PPP2R5C: variants seen among roughly 807,000 people sequenced by gnomAD.
PPP2R5C encodes the protein protein phosphatase 2 regulatory subunit B'gamma.
A neutral mutation model predicts 68.9 loss-of-function variants in PPP2R5C; 7 were observed. That is an observed-to-expected ratio of 0.10 (90% CI 0.06 to 0.19). The LOEUF is 0.19. Among genes scored for constraint, PPP2R5C ranks in the 10% least tolerant of loss-of-function variants. The probability of loss-of-function intolerance (pLI) is 1.00; values close to 1 mark genes in which losing one functional copy is unlikely to be tolerated. For synonymous variants in PPP2R5C, 210 were observed against 222.2 expected (o/e 0.95, Z 0.49); for missense variants, 348 against 641.3 (o/e 0.54, Z 4.94).
At chr14:101,887,574 A>AC (rs1215642768) in intron 5 of PPP2R5C, among the ~76,000 whole-genome samples, 1 of 152,162 alleles carries the variant, frequency 6.6e-6, no homozygotes, top group Non-Finnish European at 1.5e-5. Flanking sequence ...GCAGGTCCCC[A>AC]CGCTGCCTCT....
In PPP2R5C at chr14:101,894,435, G is replaced by A. The variant is rs998263250; in HGVS notation, c.799-72G>A. The A allele has an allele frequency of 2.6e-5, 38 of 1,446,014 alleles. No homozygotes were observed. In the African/African-American group the frequency reaches 2.7e-4, roughly 10 times the overall value. 89.6% of individuals were successfully genotyped at this position (1,446,014 alleles called of 1,614,324 possible). A position where few individuals can be genotyped will look rare whatever the true frequency, so the allele number is the denominator to read the frequency against. On this transcript the variant is annotated intron_variant, in intron 7 of 13. Coordinates refer to ENST00000334743, the Ensembl canonical transcript of PPP2R5C. ...GTCTTGCTGTGGGAAGGTGTTTAAC[G>A]ATGATTCTAGAAGAAGCACAGCAGC...
At chr14:101,875,254 C>T (rs1382851027) in intron 2 of PPP2R5C, among the ~76,000 whole-genome samples, 6 of 152,148 alleles carry the variant, frequency 3.9e-5, no homozygotes, top group African/African-American at 9.7e-5. Context: ...GAAGGCTCTG[C>T]TCTCCCTTAC....
chr14:101,880,771 G>C (rs1205602330), intron 2 of PPP2R5C, among the ~76,000 whole-genome samples: 1 of 152,224 alleles, frequency 6.6e-6, no homozygotes, highest in South Asian at 2.1e-4. Flanking sequence ...CTCCAGCCTG[G>C]GCAGCAGAGA....
intron 2 of PPP2R5C, among the ~76,000 whole-genome samples, chr14:101,861,649 A>C (rs2140639714): frequency 1.3e-5 from 2 of 152,280 alleles, no homozygotes; most frequent in South Asian, 2.1e-4. Context: ...TCTATGATGA[A>C]ATGTGAAGGT....
At chr14:101,849,070 T>C (rs762665434) in intron 1 of PPP2R5C, among the ~76,000 whole-genome samples, 43 of 152,232 alleles carry the variant, frequency 2.8e-4, no homozygotes, top group Non-Finnish European at 5.3e-4. Context: ...GTAAGGCATA[T>C]CCATATTGTG....
At chr14:101,813,033 A>G (rs1184190386) in intron 1 of PPP2R5C, among the ~76,000 whole-genome samples, 1 of 152,202 alleles carries the variant, frequency 6.6e-6, no homozygotes, top group Non-Finnish European at 1.5e-5. Context: ...CTGTGAATGT[A>G]GCTTGGTGAC....
At chr14:101,901,592 G>A in intron 8 of PPP2R5C, 127 bp from the exon 11 acceptor site, 1 of 885,888 alleles carries the variant, frequency 1.1e-6, no homozygotes, top group Non-Finnish European at 1.8e-6. Context: ...CCCTCTGTAA[G>A]GAAGATGGCA....
At chr14:101,793,856 G>A (rs1360594497) in intron 3 of PPP2R5C, among the ~76,000 whole-genome samples, 1 of 152,158 alleles carries the variant, frequency 6.6e-6, no homozygotes, top group Non-Finnish European at 1.5e-5. Context: ...AGACAGAGTG[G>A]GAAGGTAATC....
At chr14:101,863,010 A>C (rs1464456326) in intron 2 of PPP2R5C, among the ~76,000 whole-genome samples, 2 of 151,712 alleles carry the variant, frequency 1.3e-5, no homozygotes, top group Non-Finnish European at 2.9e-5. Flanking sequence ...ATTTTTTTTT[A>C]AAGAGATGGA....
chr14:101,813,247 G>A (rs981102535), intron 1 of PPP2R5C, among the ~76,000 whole-genome samples: 18 of 152,224 alleles, frequency 1.2e-4, no homozygotes, highest in African/African-American at 3.9e-4. Context: ...CAGCACAGTC[G>A]TAGACTGGAA....
chr14:101,831,459 C>T (rs560622769), intron 1 of PPP2R5C, among the ~76,000 whole-genome samples: 3 of 152,248 alleles, frequency 2.0e-5, no homozygotes, highest in South Asian at 4.1e-4. Context: ...ATTTTTTTTA[C>T]GCTACTAATG....
At chr14:101,901,830 A>G in exon 9 of PPP2R5C, 2 of 1,614,192 alleles carry the variant, frequency 1.2e-6, no homozygotes, top group Non-Finnish European at 1.7e-6. Flanking sequence ...AGAATTTGTG[A>G]AGATCATGGA....
At chr14:101,902,090 G>A (rs1486622222) in intron 9 of PPP2R5C, among the ~76,000 whole-genome samples, 4 of 152,260 alleles carry the variant, frequency 2.6e-5, no homozygotes, top group Admixed American at 6.5e-5. Flanking sequence ...CTTCTGCCGC[G>A]ATACTTTTTC....
chr14:101,922,687 G>A (rs757660313), intron 13 of PPP2R5C, among the ~76,000 whole-genome samples: 28 of 151,132 alleles, frequency 1.9e-4, no homozygotes, highest in Non-Finnish European at 3.7e-4. Context: ...GGCATGTGGT[G>A]CGTGCCTGTA....
At chr14:101,765,082 C>T (rs1595102002) in intron 2 of PPP2R5C, 2 of 668,886 alleles carry the variant, frequency 3.0e-6, no homozygotes, top group Non-Finnish European at 5.5e-6. Context: ...GTTTGCCAGC[C>T]GTGTGAGACC....
intron 2 of PPP2R5C, among the ~76,000 whole-genome samples, chr14:101,859,557 A>G (rs1176720050): frequency 6.6e-6 from 1 of 151,966 alleles, no homozygotes; most frequent in Non-Finnish European, 1.5e-5. Context: ...GACAGATTGG[A>G]TTTTTGGTTT....
chr14:101,805,600 A>G (rs974082231), upstream of PPP2R5C, among the ~76,000 whole-genome samples: 1 of 152,248 alleles, frequency 6.6e-6, no homozygotes, highest in Non-Finnish European at 1.5e-5. Flanking sequence ...AGATACTTGT[A>G]GCCCCATGTT....
chr14:101,850,377 G>T (rs371317053), intron 1 of PPP2R5C, among the ~76,000 whole-genome samples: 1 of 152,272 alleles, frequency 6.6e-6, no homozygotes, highest in African/African-American at 2.4e-5. Context: ...TACCATTGAC[G>T]ATCACATCAA....
chr14:101,837,426 C>T (rs2041182338), intron 1 of PPP2R5C, among the ~76,000 whole-genome samples: 1 of 152,150 alleles, frequency 6.6e-6, no homozygotes, highest in African/African-American at 2.4e-5. Flanking sequence ...GGATTACAGG[C>T]GTGAGCCACC....
Sources: allele counts gnomAD v4.1 joint callset (sites outside exome capture counted in the v4.1 genomes callset), GRCh38; gene constraint gnomAD v4.1.1; transcripts MANE v1.5; gene names NCBI Gene and HGNC (gene_info 2026-07-23, HGNC 2026-07-21).